The following KDF1 variants were observed in gnomAD, a reference collection of about 807,000 sequenced individuals.
KDF1 encodes keratinocyte differentiation factor 1, also known as RP11-344H11.3.
A neutral mutation model predicts 31.6 loss-of-function variants in KDF1; 11 were observed. The ratio of observed to expected loss-of-function variants is 0.35; its 90% confidence interval spans 0.22 to 0.58. The LOEUF (loss-of-function observed/expected upper bound fraction) is 0.58. Among genes scored for constraint, KDF1 ranks in the 20% least tolerant of loss-of-function variants. KDF1 has a pLI of 0.83. For synonymous variants in KDF1, 205 were observed against 214.4 expected (o/e 0.96, Z 0.38); for missense variants, 476 against 549.1 (o/e 0.87, Z 1.33).
chr1:26,957,739 T>A (rs2082383349), intron 1 of KDF1, among the ~76,000 whole-genome samples: 1 of 152,134 alleles, frequency 6.6e-6, no homozygotes. Context: ...TTGAGAAATG[T>A]GGGGTATGGA....
intron 1 of KDF1, among the ~76,000 whole-genome samples, chr1:26,953,187 T>C (rs1262905663): frequency 6.6e-6 from 1 of 152,006 alleles, no homozygotes; most frequent in Non-Finnish European, 1.5e-5. Context: ...GATTTTGGAG[T>C]GTTTTGGATT....
At position 26,951,895 on chromosome 1, in the gene KDF1, G is replaced by A. The variant is rs899673096; in HGVS notation, c.486C>T (p.Pro162=). The A allele has an allele frequency of 4.3e-6, 7 of 1,609,290 alleles. No homozygotes were observed. Among genetic ancestry groups the A allele is most frequent in the Non-Finnish European group, 5.9e-6 (7 of 1,176,792 alleles). Residue 162 remains proline (P), a synonymous_variant, in exon 2 of 4, where the codon CCC becomes CCT. Transcript: ENST00000320567. This position sits in a 1 kb window ranked among gnomAD's most constrained non-coding sequence, Gnocchi z 5.4. ...KSTMGSSFSY[P]DVKLKGIPVY... ...CAGGGATGCCTTTGAGCTTAACATC[G>A]GGGTAGCTGAAGCTGCTGCCCATGG...
rs887047479 is a variant in KDF1, at chr1:26,951,848, G to A, written c.533C>T (p.Thr178Ile). Residue 178 changes from threonine (T) to isoleucine (I), a missense_variant, in exon 2 of 4, where the codon ACC (threonine) becomes ATC (isoleucine). Physicochemically the swap from Thr to Ile is moderately conservative, Grantham distance 89. Coordinates refer to ENST00000320567, the MANE Select transcript of KDF1 (RefSeq NM_152365.3). The surrounding 1 kb of genome is among the most constrained non-coding windows in gnomAD (Gnocchi z 5.4). ...GGAGTCCGCATCAGGGGCTGGGGAGGTGGCCCTCGGGTAGGGATACACAGG... is the reference window on the plus strand; with the variant it reads ...GGAGTCCGCATCAGGGGCTGGGGAGATGGCCCTCGGGTAGGGATACACAGG... ...GIPVYPYPRA[T>I]SPAPDADSCC... The A allele has an allele frequency of 1.9e-6, 3 of 1,613,892 alleles. No homozygotes were observed. The highest frequency in any genetic ancestry group is 2.5e-6 in the Non-Finnish European group (3 of 1,179,986).
chr1:26,954,370 C>G (rs1348971623), intron 1 of KDF1, among the ~76,000 whole-genome samples: 1 of 151,620 alleles, frequency 6.6e-6, no homozygotes, highest in Non-Finnish European at 1.5e-5. Context: ...ATTACAGGCA[C>G]GTGCCACCAC....
intron 1 of KDF1, among the ~76,000 whole-genome samples, chr1:26,957,510 G>A (rs993271727): frequency 2.6e-5 from 4 of 152,116 alleles, no homozygotes; most frequent in Admixed American, 2.6e-4. Context: ...GGTGCCTCAG[G>A]GGACTGACAG....
Position 26,952,465 on chromosome 1 carries a change from C to A in KDF1, c.-32-53G>T. ...CAGGATCAGAGGTGAGGGACAAACT[C>A]CTGGGCTGACTTGAGCAGCTTCACA... On this transcript the variant is annotated intron_variant, in intron 1 of 3. Coordinates refer to ENST00000320567, the MANE Select transcript of KDF1 (RefSeq NM_152365.3). This position sits in a 1 kb window ranked among gnomAD's most constrained non-coding sequence, Gnocchi z 4.1. 1 of 1,285,568 alleles carries A rather than the reference C, an allele frequency of 7.8e-7. No homozygotes were observed. The highest frequency in any genetic ancestry group is 2.4e-5 in the Admixed American group (1 of 41,474). The allele number at this position is 1,285,568 out of a possible 1,614,324, so 79.6% of individuals were successfully genotyped here.
Position 26,952,156 on chromosome 1 carries a change from G to A in KDF1, c.225C>T (p.Cys75=). The A allele has an allele frequency of 1.9e-6, 3 of 1,613,654 alleles. No homozygotes were observed. In the South Asian group the frequency reaches 3.3e-5, roughly 18 times the overall value. The change falls in exon 2 of 4, where the codon TGC becomes TGT. Residue 75 remains cysteine, a synonymous_variant. Coordinates refer to ENST00000320567, the MANE Select transcript of KDF1 (RefSeq NM_152365.3). The surrounding 1 kb of genome is among the most constrained non-coding windows in gnomAD (Gnocchi z 4.1). The part of the protein sequence containing the change: ...AEPALESPTC[C]LLWRPWVWEW... ...CCCACACCCAGGGTCGCCAGAGCAGGCAGCAGGTGGGGGACTCAAGGGCCG... is the reference window on the plus strand; with the variant it reads ...CCCACACCCAGGGTCGCCAGAGCAGACAGCAGGTGGGGGACTCAAGGGCCG...
Position 26,951,191 on chromosome 1 carries a change from G to T in KDF1, c.1039+151C>A. The T allele has an allele frequency of 1.1e-6, 1 of 878,306 alleles. No individual in the cohort carries two copies. Among genetic ancestry groups the T allele is most frequent in the South Asian group, 1.8e-5 (1 of 55,190 alleles). 54.4% of individuals were successfully genotyped at this position (878,306 alleles called of 1,614,324 possible). ...CAGGAAGGGCCAGAGTGGGAGCTGG[G>T]GAGAGGGGATGCAAGAGTTGACAGA... On this transcript the variant is annotated intron_variant, in intron 2 of 3. Coordinates refer to ENST00000320567, the MANE Select transcript of KDF1 (RefSeq NM_152365.3). This position sits in a 1 kb window ranked among gnomAD's most constrained non-coding sequence, Gnocchi z 5.4.
chr1:26,951,375 C>T lies in KDF1; in HGVS notation c.1006G>A (p.Glu336Lys). ...CTGAGACCTGAGCCCACCATGGTCT[C>T]ATGGCCACTGTCAGGGGCAGCAGCG... ...PTAAAPDSGH[E>K]TMVGSGLSQD... The change falls in exon 2 of 4, where the codon GAG becomes AAG. Residue 336 changes from glutamate (E) to lysine (K), a missense_variant. Glu to Lys is a moderately conservative substitution (Grantham distance 56). This residue lies in a region of KDF1 where 146 missense variants were observed against 216.8 expected (regional missense o/e 0.67). Coordinates refer to ENST00000320567, the MANE Select transcript of KDF1 (RefSeq NM_152365.3). This position sits in a 1 kb window ranked among gnomAD's most constrained non-coding sequence, Gnocchi z 5.4. The T allele has an allele frequency of 6.3e-7, 1 of 1,599,678 alleles. No individual in the cohort carries two copies. The highest frequency in any genetic ancestry group is 8.5e-7 in the Non-Finnish European group (1 of 1,171,170).
chr1:26,956,276 G>A (rs2082377000), intron 1 of KDF1, among the ~76,000 whole-genome samples: 1 of 152,062 alleles, frequency 6.6e-6, no homozygotes, highest in African/African-American at 2.4e-5. Context: ...TTGGCACTTG[G>A]GAAAATTAAT....
chr1:26,951,558 TC>T lies in KDF1; in HGVS notation c.822del (p.Ile275SerfsTer74). On this transcript the variant is annotated frameshift_variant, in exon 2 of 4. Transcript: ENST00000320567. LOFTEE classifies it high-confidence loss of function. This position sits in a 1 kb window ranked among gnomAD's most constrained non-coding sequence, Gnocchi z 5.4. ...SDTVFLEKTS[K>X]ISDLISSITQ... ...GTGATGCTGCTGATAAGGTCCGAGA[TC>T]TTACTGGTCTTCTCCAGGAACACAG... 6.2e-7 allele frequency: 1 copy of T among 1,612,700 alleles called. No homozygotes were observed.
Position 26,952,342 on chromosome 1 carries a change from A to G in KDF1, c.39T>C (p.Pro13=), listed in dbSNP as rs373271588. The change falls in exon 2 of 4, where the codon CCT becomes CCC. Residue 13 remains proline, a synonymous_variant. Transcript: ENST00000320567. This position sits in a 1 kb window ranked among gnomAD's most constrained non-coding sequence, Gnocchi z 4.1. ...RPGHPRPASG[P]PRLGPWERPT... The stretch of plus-strand genomic sequence containing the variant: ...GCCGCTCCCACGGTCCCAAGCGTGG[A>G]GGCCCAGATGCTGGGCGGGGGTGTC... The G allele has an allele frequency of 5.2e-5, 79 of 1,519,026 alleles. No homozygotes were observed. Among genetic ancestry groups the G allele is most frequent in the Non-Finnish European group, 6.7e-5 (76 of 1,134,696 alleles). The allele number at this position is 1,519,026 out of a possible 1,614,324, so 94.1% of individuals were successfully genotyped here.
rs965306311 is a variant in KDF1 at position 26,960,173 on chromosome 1, C to T, written c.-33+177G>A. Among the ~76,000 whole-genome samples the T allele has an allele frequency of 6.6e-6, 1 of 152,130 alleles. No homozygotes were observed. The highest frequency in any genetic ancestry group is 1.5e-5 in the Non-Finnish European group (1 of 67,994). On this transcript the variant is annotated intron_variant, in intron 1 of 3. Transcript: ENST00000320567. This position sits in a 1 kb window ranked among gnomAD's most constrained non-coding sequence, Gnocchi z 4.9. ...GCGGCCCCTCACCCCATTCTGCGCG[C>T]CCAGCCCGGGCGCCCGCTCAGGCCG... is the stretch of plus-strand genomic sequence containing the variant.
chr1:26,957,217 G>A (rs936663275), intron 1 of KDF1, among the ~76,000 whole-genome samples: 5 of 152,150 alleles, frequency 3.3e-5, no homozygotes, highest in African/African-American at 7.2e-5. Context: ...TTACAGGCAT[G>A]AGCCTCTGTG....
chr1:26,954,538 T>TA (rs2082367774), intron 1 of KDF1, among the ~76,000 whole-genome samples: 1 of 151,340 alleles, frequency 6.6e-6, no homozygotes, highest in African/African-American at 2.4e-5. Context: ...GTGGTTTCTT[T>TA]AAAAAAAGGT....
In KDF1 at chr1:26,951,429, C is replaced by T; in HGVS notation, c.952G>A (p.Gly318Ser). The T allele has an allele frequency of 2.5e-6, 4 of 1,613,092 alleles. No homozygotes were observed. The highest frequency in any genetic ancestry group is 1.7e-5 in the Admixed American group (1 of 59,932). Residue 318 changes from glycine (G) to serine (S), a missense_variant, in exon 2 of 4, where the codon GGT (glycine) becomes AGT (serine). This residue lies in a region of KDF1 where 146 missense variants were observed against 216.8 expected (regional missense o/e 0.67). Coordinates refer to ENST00000320567, the MANE Select transcript of KDF1 (RefSeq NM_152365.3). This position sits in a 1 kb window ranked among gnomAD's most constrained non-coding sequence, Gnocchi z 5.4. ...KSRARPQTSE[G>S]RSTRAAAPTA... ...GGGGCAGCAGCCCGAGTTGAACGAC[C>T]CTCCGAGGTCTGTGGGCGAGCACGG... is the stretch of plus-strand genomic sequence containing the variant.
Position 26,951,902 on chromosome 1 carries a change from C to G in KDF1, c.479G>C (p.Ser160Thr), listed in dbSNP as rs756824633. 5 of 1,608,092 alleles carry G rather than the reference C, an allele frequency of 3.1e-6. No individual in the cohort carries two copies. The highest frequency in any genetic ancestry group is 1.1e-5 in the South Asian group (1 of 90,480). Reference protein sequence around the residue: ...RLKSTMGSSFSYPDVKLKGIP... With the variant: ...RLKSTMGSSFTYPDVKLKGIP... ...GCCTTTGAGCTTAACATCGGGGTAGCTGAAGCTGCTGCCCATGGTTGACTT... is the reference window on the plus strand; with the variant it reads ...GCCTTTGAGCTTAACATCGGGGTAGGTGAAGCTGCTGCCCATGGTTGACTT... The change falls in exon 2 of 4, where the codon AGC becomes ACC. Residue 160 changes from serine (S) to threonine (T), a missense_variant. This residue lies in a region of KDF1 where 330 missense variants were observed against 332.3 expected (regional missense o/e 0.99). Transcript: ENST00000320567. This position sits in a 1 kb window ranked among gnomAD's most constrained non-coding sequence, Gnocchi z 5.4.
At chr1:26,956,003 C>T (rs2082375995) in intron 1 of KDF1, among the ~76,000 whole-genome samples, 1 of 152,136 alleles carries the variant, frequency 6.6e-6, no homozygotes, top group Non-Finnish European at 1.5e-5. Context: ...ATATATGAAG[C>T]ATCATGGGAG....
rs755094201 is a variant in KDF1 at position 26,951,446 on chromosome 1, C to T, written c.935G>A (p.Arg312His). ...TGAACGACCCTCCGAGGTCTGTGGG[C>T]GAGCACGGCTCTTTCGGGTACTAAT... ...IRISTRKSRA[R>H]PQTSEGRSTR... Residue 312 changes from arginine (R) to histidine (H), a missense_variant, in exon 2 of 4, where the codon CGC becomes CAC. By Grantham distance (29) the Arg-to-His change is conservative (BLOSUM62 0). Coordinates refer to ENST00000320567, the MANE Select transcript of KDF1 (RefSeq NM_152365.3). This position sits in a 1 kb window ranked among gnomAD's most constrained non-coding sequence, Gnocchi z 5.4. 9.9e-6 allele frequency: 16 copies of T among 1,613,600 alleles called. No homozygotes were observed. Among genetic ancestry groups the T allele is most frequent in the East Asian group, 2.2e-5 (1 of 44,864 alleles).
Sources: allele counts gnomAD v4.1 joint callset (sites outside exome capture counted in the v4.1 genomes callset), GRCh38; gene constraint gnomAD v4.1.1; regional missense constraint gnomAD v4.1.1; non-coding constraint Gnocchi (gnomAD v3.1); transcripts MANE v1.5; gene names NCBI Gene and HGNC (gene_info 2026-07-23, HGNC 2026-07-21).